Variants in ATP11A observed in about 807,000 individuals in gnomAD.
ATP11A encodes phospholipid-transporting ATPase IH.
A neutral mutation model predicts 154.4 loss-of-function variants in ATP11A; 81 were observed. That is an observed-to-expected ratio of 0.52 (90% CI 0.44 to 0.63). ATP11A has a LOEUF of 0.63. ATP11A is among the 30% of genes least tolerant of loss of function. The pLI is 0.00. For synonymous variants in ATP11A, 623 were observed against 585.9 expected, an observed-to-expected ratio of 1.06 and a Z score of -0.91; for missense variants, 1,316 against 1,474.3, an observed-to-expected ratio of 0.89 and a Z score of 1.76.
At chr13:112,816,346 A>T in intron 6 of ATP11A, 135 bp downstream of exon 6, 1 of 1,129,084 alleles carries the variant, frequency 8.9e-7, no homozygotes, top group Non-Finnish European at 1.2e-6. Context: ...TACACCAGCC[A>T]TGTTTTTCCT....
rs571013813 is a variant in ATP11A at position 112,875,134 on chromosome 13, G to A, written c.3162-642G>A. Among the ~76,000 whole-genome samples, 8 of 152,288 alleles carry A rather than the reference G, an allele frequency of 5.3e-5. No homozygotes were observed. Among genetic ancestry groups the A allele is most frequent in the African/African-American group, 1.4e-4 (6 of 41,574 alleles). ...CCGTTACCCACCATGCCCTGCTTCCGTTTCCCTCCTGTTGTCCACACACCA... is the reference window on the plus strand; with the variant it reads ...CCGTTACCCACCATGCCCTGCTTCCATTTCCCTCCTGTTGTCCACACACCA... On this transcript the variant is annotated intron_variant, in intron 27 of 29. Transcript: ENST00000375645. This position sits in a 1 kb window ranked among gnomAD's most constrained non-coding sequence, Gnocchi z 4.1.
At chr13:112,709,570 T>A (rs923300067) in intron 1 of ATP11A, among the ~76,000 whole-genome samples, 1 of 152,212 alleles carries the variant, frequency 6.6e-6, no homozygotes, top group Non-Finnish European at 1.5e-5. Flanking sequence ...CAATCCTTTA[T>A]CTTAACCTGA....
chr13:112,794,882 A>G (rs944411780), intron 2 of ATP11A, among the ~76,000 whole-genome samples: 10 of 151,466 alleles, frequency 6.6e-5, no homozygotes, highest in African/African-American at 2.4e-4. Context: ...AAGAAAAGAA[A>G]AGAAAAAAAG....
In ATP11A at chr13:112,860,873, G is replaced by A. The variant is rs2080081113; in HGVS notation, c.2855+459G>A. ...GAAGAGATATTTTTCTGCTATTTCAGAAATGCCCCCCAAGGTCTCTGGCAG... is the reference window on the plus strand; with the variant it reads ...GAAGAGATATTTTTCTGCTATTTCAAAAATGCCCCCCAAGGTCTCTGGCAG... On this transcript the variant is annotated intron_variant, in intron 24 of 29. Transcript: ENST00000375645. The A allele has an allele frequency of 1.9e-5, 3 of 153,968 alleles. No homozygotes were observed. The South Asian group carries it at 6.1e-4, about 31-fold the overall frequency. The allele number at this position is 153,968 out of a possible 1,614,324, so 9.5% of individuals were successfully genotyped here. A position where few individuals can be genotyped will look rare whatever the true frequency, so the allele number is the denominator to read the frequency against.
chr13:112,834,066 G>A (rs531069962), intron 14 of ATP11A, among the ~76,000 whole-genome samples: 5 of 152,354 alleles, frequency 3.3e-5, no homozygotes, highest in African/African-American at 1.2e-4. Flanking sequence ...GGCCCTGAAG[G>A]TCGCTGACCC....
chr13:112,741,980 TC>T (rs1244632886), intron 1 of ATP11A, among the ~76,000 whole-genome samples: 1 of 150,976 alleles, frequency 6.6e-6, no homozygotes, highest in Non-Finnish European at 1.5e-5. Flanking sequence ...GAAGAGTGGT[TC>T]CCCCACCACA....
chr13:112,845,521 C>T lies in ATP11A; in HGVS notation c.1809+3142C>T, dbSNP rs970396133. Among the ~76,000 whole-genome samples the T allele has an allele frequency of 8.3e-5, 10 of 120,160 alleles. 2 individuals are homozygous for T. The highest frequency in any genetic ancestry group is 1.0e-4 in the Non-Finnish European group (6 of 60,242). 78.8% of individuals were successfully genotyped at this position (120,160 alleles called of 152,430 possible). On this transcript the variant is annotated intron_variant, in intron 17 of 29. Coordinates refer to ENST00000375645, the MANE Select transcript of ATP11A (RefSeq NM_015205.3). ...TAACCAGTCCAGTTGCCGGCACTAG[C>T]GGTACTAACCAGTCCAGTTGCTGGC...
At chr13:112,833,062 G>A in intron 14 of ATP11A, 39 bp downstream of exon 14, 2 of 1,589,698 alleles carry the variant, frequency 1.3e-6, no homozygotes, top group Non-Finnish European at 1.7e-6. Flanking sequence ...GTTTCCTGAT[G>A]TGACTCAGCC....
intron 1 of ATP11A, among the ~76,000 whole-genome samples, chr13:112,698,098 G>A (rs957939062): frequency 6.6e-5 from 10 of 152,238 alleles, no homozygotes; most frequent in South Asian, 2.1e-4. Flanking sequence ...CAGCAGCCTC[G>A]ATACAATTTG....
intron 1 of ATP11A, among the ~76,000 whole-genome samples, chr13:112,733,258 C>T (rs1323336262): frequency 6.6e-6 from 1 of 152,188 alleles, no homozygotes; most frequent in Non-Finnish European, 1.5e-5. Context: ...ACAGCATCTC[C>T]ACTTTACTTA....
chr13:112,751,148 G>A (rs2076680587), intron 1 of ATP11A, among the ~76,000 whole-genome samples: 1 of 152,222 alleles, frequency 6.6e-6, no homozygotes, highest in South Asian at 2.1e-4. Context: ...CCAGCAAGAT[G>A]AACACCGGTG....
At chr13:112,715,933 A>G (rs1184099014) in intron 1 of ATP11A, among the ~76,000 whole-genome samples, 5 of 151,704 alleles carry the variant, frequency 3.3e-5, no homozygotes, top group African/African-American at 4.8e-5. Flanking sequence ...CCCTTCTCCC[A>G]CTAAGGGCTC....
In ATP11A at chr13:112,830,501, G is replaced by A. The variant is rs147308753; in HGVS notation, c.1222-874G>A. On this transcript the variant is annotated intron_variant, in intron 12 of 29. Coordinates refer to ENST00000375645, the MANE Select transcript of ATP11A (RefSeq NM_015205.3). ...TGAGGCATGAGAATTGCTTGAACCT[G>A]GGAGACGGAGGTTGCAGTGAGCCGA... Among the ~76,000 whole-genome samples the A allele has an allele frequency of 4.4e-4, 67 of 152,288 alleles. 1 individual carries two copies. Among genetic ancestry groups the A allele is most frequent in the Admixed American group, 1.2e-3 (18 of 15,298 alleles).
intron 1 of ATP11A, among the ~76,000 whole-genome samples, chr13:112,761,454 T>C (rs946876363): frequency 1.3e-5 from 2 of 152,208 alleles, no homozygotes; most frequent in Non-Finnish European, 2.9e-5. Context: ...GTTAATCTCT[T>C]ACTGTGCCTA....
At chr13:112,818,642 C>G (rs1035342849) in intron 6 of ATP11A, among the ~76,000 whole-genome samples, 1 of 152,192 alleles carries the variant, frequency 6.6e-6, no homozygotes, top group Non-Finnish European at 1.5e-5. Context: ...ACAGATGCTA[C>G]TGAGGTCACC....
intron 26 of ATP11A, among the ~76,000 whole-genome samples, chr13:112,872,889 C>T (rs72485687): frequency 0.21 from 733 of 3,546 alleles, 108 homozygotes; most frequent in African/African-American, 0.31. Flanking sequence ...GTCTCCCGAA[C>T]GGTGTGAGGT....
At chr13:112,845,923 A>G (rs1451791125) in intron 17 of ATP11A, among the ~76,000 whole-genome samples, 4 of 152,130 alleles carry the variant, frequency 2.6e-5, no homozygotes, top group East Asian at 1.9e-4. Context: ...CGGATGGACC[A>G]GTTTCTTGAT....
At chr13:112,821,723 A>G (rs990761973) in intron 8 of ATP11A, among the ~76,000 whole-genome samples, 17 of 152,232 alleles carry the variant, frequency 1.1e-4, no homozygotes, top group African/African-American at 3.9e-4. Context: ...CCAAATTCTC[A>G]ATCCATTCAG....
At chr13:112,831,292 A>T in intron 12 of ATP11A, 83 bp from the exon 13 acceptor site, 1 of 1,466,562 alleles carries the variant, frequency 6.8e-7, no homozygotes, top group Non-Finnish European at 9.4e-7. Flanking sequence ...GGAGCTGGGG[A>T]GGAAACACGG....
Sources: allele counts gnomAD v4.1 joint callset (sites outside exome capture counted in the v4.1 genomes callset), GRCh38; gene constraint gnomAD v4.1.1; non-coding constraint Gnocchi (gnomAD v3.1); transcripts MANE v1.5; gene names NCBI Gene and HGNC (gene_info 2026-07-23, HGNC 2026-07-21).